NLK: variants seen among roughly 807,000 people sequenced by gnomAD.
NLK encodes nemo like kinase.
In NLK, 11 loss-of-function variants were observed where a neutral mutation model predicts 59.0. The observed-to-expected ratio is 0.19, with a 90% CI of 0.12 to 0.31. The LOEUF (loss-of-function observed/expected upper bound fraction) is 0.31, where lower values mean the gene tolerates loss of function less well. Among genes scored for constraint, NLK ranks in the 10% least tolerant of loss-of-function variants. The pLI is 1.00. For missense variants in NLK, 410 were observed against 661.1 expected, an observed-to-expected ratio of 0.62 and a Z score of 4.16; for synonymous variants, 235 against 235.9, an observed-to-expected ratio of 1.00 and a Z score of 0.03.
intron 1 of NLK, chr17:28,116,531 TA>T (rs1322799259): frequency 6.6e-6 from 1 of 152,242 alleles, no homozygotes; most frequent in East Asian, 1.9e-4. Flanking sequence ...AAGTAATTAT[TA>T]AAATATTAGC....
the NLK span, among the ~76,000 whole-genome samples, chr17:28,202,685 T>G: frequency 6.8e-6 from 1 of 147,678 alleles, no homozygotes; most frequent in Non-Finnish European, 1.5e-5. Context: ...TTTCTTTTTT[T>G]TCTTTTTTTT....
At chr17:28,051,227 A>G (rs1445430662) in intron 1 of NLK, among the ~76,000 whole-genome samples, 4 of 152,200 alleles carry the variant, frequency 2.6e-5, no homozygotes, top group African/African-American at 9.7e-5. Context: ...AGTATTCAGT[A>G]TTACTTTTTA....
At chr17:28,051,721 C>G (rs1028193218) in intron 1 of NLK, among the ~76,000 whole-genome samples, 3 of 150,686 alleles carry the variant, frequency 2.0e-5, no homozygotes, top group Admixed American at 6.6e-5. Flanking sequence ...AGACAAGGTT[C>G]TGGTCCTAGC....
At chr17:28,066,940 T>G (rs1176848974) in intron 1 of NLK, among the ~76,000 whole-genome samples, 1 of 152,200 alleles carries the variant, frequency 6.6e-6, no homozygotes, top group Non-Finnish European at 1.5e-5. Context: ...ATATTTTAAT[T>G]GGGTGGCTTT....
chr17:28,119,089 G>T (rs1320249819), intron 1 of NLK, among the ~76,000 whole-genome samples: 2 of 152,150 alleles, frequency 1.3e-5, no homozygotes, highest in African/African-American at 2.4e-5. Flanking sequence ...AGTGCATTTA[G>T]AATAACCAGG....
At chr17:28,084,861 C>G (rs1328241756) in intron 1 of NLK, among the ~76,000 whole-genome samples, 1 of 152,180 alleles carries the variant, frequency 6.6e-6, no homozygotes, top group African/African-American at 2.4e-5. Flanking sequence ...CGCACCCAGC[C>G]CCTGTCCCTA....
intron 1 of NLK, among the ~76,000 whole-genome samples, chr17:28,050,734 ATG>A (rs988491848): frequency 6.6e-6 from 1 of 152,150 alleles, no homozygotes; most frequent in Non-Finnish European, 1.5e-5. Context: ...AGTTAGGAAA[ATG>A]TGTTCACAAT....
chr17:28,043,229 C>G lies in NLK; in HGVS notation c.356C>G (p.Ala119Gly). The G allele has an allele frequency of 6.2e-7, 1 of 1,613,986 alleles. No individual in the cohort carries two copies. The highest frequency in any genetic ancestry group is 1.1e-5 in the South Asian group (1 of 91,078). The change falls in exon 1 of 11, where the codon GCT becomes GGT. Residue 119 changes from alanine to glycine, a missense_variant. Ala to Gly is a moderately conservative substitution (Grantham distance 60, BLOSUM62 0). This residue lies in a region of NLK where 160 missense variants were observed against 171.0 expected (regional missense o/e 0.94). Coordinates refer to ENST00000407008, the MANE Select transcript of NLK (RefSeq NM_016231.5). The stretch of plus-strand genomic sequence containing the variant: ...GCTCAGGTACAGGCTGCCGCAGCTG[C>G]TACAGTTAAGGCGCACCATCATCAG... ...APAQVQAAAAATVKAHHHQHS... is the reference protein window; with the variant it reads ...APAQVQAAAAGTVKAHHHQHS...
chr17:28,143,356 TTAAAAAA>T lies in NLK; in HGVS notation c.644+10682_644+10688del, dbSNP rs376554285. ...CATGCCCAGCCAAAGATGAAAACTT[TTAAAAAA>T]GGATTGTAGAACCTTTGACCAATAT... is the stretch of plus-strand genomic sequence containing the variant. On this transcript the variant is annotated intron_variant, in intron 3 of 10. Transcript: ENST00000407008. 6.5e-3 allele frequency among the ~76,000 whole-genome samples: 995 copies of T among 152,230 alleles called. 16 individuals carry two copies. Among genetic ancestry groups the T allele is most frequent in the African/African-American group, 0.022 (929 of 41,550 alleles).
intron 1 of NLK, among the ~76,000 whole-genome samples, chr17:28,117,474 C>T (rs1905830071): frequency 6.6e-6 from 1 of 152,078 alleles, no homozygotes; most frequent in East Asian, 1.9e-4. Context: ...ATTAGAATGG[C>T]CCAGTGCTGT....
intron 8 of NLK, among the ~76,000 whole-genome samples, chr17:28,187,832 A>G (rs905738892): frequency 2.6e-5 from 4 of 152,190 alleles, no homozygotes; most frequent in Admixed American, 2.6e-4. Flanking sequence ...TTATCTAAGG[A>G]GAAAGATTTA....
At chr17:28,177,652 TA>T (rs1908738469) in intron 7 of NLK, among the ~76,000 whole-genome samples, 1 of 152,232 alleles carries the variant, frequency 6.6e-6, no homozygotes, top group Admixed American at 6.5e-5. Flanking sequence ...TCTATTACCA[TA>T]ACAATCCTTC....
intron 7 of NLK, among the ~76,000 whole-genome samples, chr17:28,182,707 C>T (rs536522240): frequency 6.6e-6 from 1 of 152,184 alleles, no homozygotes; most frequent in South Asian, 2.1e-4. Flanking sequence ...CCACCCCACC[C>T]CTGTTTGGAG....
intron 10 of NLK, among the ~76,000 whole-genome samples, chr17:28,193,650 C>T (rs1046782401): frequency 3.9e-5 from 6 of 152,148 alleles, no homozygotes; most frequent in African/African-American, 9.7e-5. Flanking sequence ...CTATCTTCCC[C>T]GCTGCCTTTC....
intron 7 of NLK, among the ~76,000 whole-genome samples, chr17:28,179,648 T>TG: frequency 6.6e-6 from 1 of 151,900 alleles, no homozygotes; most frequent in Non-Finnish European, 1.5e-5. Context: ...GCAGGAGAAT[T>TG]GCTTGAACCT....
chr17:28,200,445 C>G (rs1269280384), downstream of NLK, among the ~76,000 whole-genome samples: 1 of 152,116 alleles, frequency 6.6e-6, no homozygotes, highest in Non-Finnish European at 1.5e-5. Context: ...AAGCTGTACA[C>G]CAACGAAAGA....
intron 1 of NLK, among the ~76,000 whole-genome samples, chr17:28,121,651 A>G (rs1906065002): frequency 6.6e-6 from 1 of 151,416 alleles, no homozygotes; most frequent in Non-Finnish European, 1.5e-5. Context: ...ACAGACATGC[A>G]CCACGCCCGG....
chr17:28,046,955 T>G (rs1160195514), intron 1 of NLK, among the ~76,000 whole-genome samples: 2 of 152,202 alleles, frequency 1.3e-5, no homozygotes, highest in African/African-American at 4.8e-5. Context: ...CCAAGTAATG[T>G]TGGAGGTCTT....
At chr17:28,050,814 GT>G (rs1315770128) in intron 1 of NLK, among the ~76,000 whole-genome samples, 1 of 152,044 alleles carries the variant, frequency 6.6e-6, no homozygotes, top group East Asian at 1.9e-4. Context: ...CTGATAAAAA[GT>G]CAAAGAAGGC....
Sources: gnomAD v4.1 joint callset for allele counts (sites outside exome capture counted in the v4.1 genomes callset) on GRCh38, gnomAD v4.1.1 for gene constraint, gnomAD v4.1.1 regional missense constraint, MANE v1.5 for transcripts, NCBI Gene and HGNC (gene_info 2026-07-23, HGNC 2026-07-21) for gene names.